Variants in ANKRD7 observed in about 807,000 individuals in gnomAD.
The protein encoded by ANKRD7 is ankyrin repeat domain-containing protein 7.
ANKRD7 carries 30 observed loss-of-function variants against 30.8 expected under a neutral mutation model. The ratio of observed to expected loss-of-function variants is 0.97; its 90% CI spans 0.73 to 1.32. The LOEUF (loss-of-function observed/expected upper bound fraction) is 1.32. Among genes scored for constraint, ANKRD7 ranks in the 40% most tolerant of loss-of-function variants. The pLI is 0.00. For missense variants in ANKRD7, 264 were observed against 295.7 expected, an observed-to-expected ratio of 0.89 and a Z score of 0.79; for synonymous variants, 97 against 106.6, an observed-to-expected ratio of 0.91 and a Z score of 0.55.
chr7:118,239,890 C>A lies in ANKRD7; in HGVS notation c.713-19C>A, dbSNP rs764838715. The A allele has an allele frequency of 2.0e-6, 3 of 1,533,352 alleles. No individual in the cohort carries two copies. Among genetic ancestry groups the A allele is most frequent in the South Asian group, 2.4e-5 (2 of 85,010 alleles). The allele number at this position is 1,533,352 out of a possible 1,614,324, so 95.0% of individuals were successfully genotyped here. On this transcript the variant is annotated intron_variant, in intron 5 of 6. Coordinates refer to ENST00000265224, the MANE Select transcript of ANKRD7 (RefSeq NM_019644.4). ...AAATTTCTATGCATGCTGGCATTCA[C>A]ACGTAATTTCCTTTATAGATAGATA...
Position 118,236,046 on chromosome 7 carries a change from G to A in ANKRD7, c.474G>A (p.Gly158=). 1 of 1,540,480 alleles carries A rather than the reference G, an allele frequency of 6.5e-7. No individual in the cohort carries two copies. The highest frequency in any genetic ancestry group is 8.9e-7 in the Non-Finnish European group (1 of 1,121,496). The change falls in exon 4 of 7, where the codon GGG becomes GGA. Residue 158 remains glycine, a synonymous_variant. Transcript: ENST00000265224. ...EADLEAKNKD[G]YTPLLVAVIN... is the part of the protein sequence containing the mutation. ...TTTTTAAATATTTTTTTCAGGATGG[G>A]TATACTCCACTATTAGTTGCCGTTA... is the stretch of plus-strand genomic sequence containing the variant.
At chr7:118,227,816 T>C (rs1240067282) in intron 1 of ANKRD7, 2 of 1,205,114 alleles carry the variant, frequency 1.7e-6, no homozygotes, top group African/African-American at 3.2e-5. Flanking sequence ...TCATAGGGTA[T>C]GAAAAGCATC....
intron 1 of ANKRD7, 32 bp downstream of exon 1, chr7:118,225,041 C>T (rs755245862): frequency 4.3e-6 from 7 of 1,610,462 alleles, no homozygotes; most frequent in South Asian, 2.2e-5. Flanking sequence ...CGCGGGAGGA[C>T]GGGTTGGGGC....
chr7:118,236,192 A>G, intron 4 of ANKRD7, 45 bp downstream of exon 4: 1 of 1,120,650 alleles, frequency 8.9e-7, no homozygotes, highest in East Asian at 2.6e-5. Flanking sequence ...GCTACCTGAT[A>G]GGATTGTGTG....
intron 6 of ANKRD7, among the ~76,000 whole-genome samples, chr7:118,241,295 A>G (rs1315091105): frequency 2.0e-5 from 3 of 151,472 alleles, no homozygotes; most frequent in Non-Finnish European, 2.9e-5. Context: ...CTCTGTATTC[A>G]CTAGCAAGCA....
Position 118,234,527 on chromosome 7 carries a change from C to A in ANKRD7, c.276C>A (p.Asn92Lys). 1 of 1,610,632 alleles carries A rather than the reference C, an allele frequency of 6.2e-7. No individual in the cohort carries two copies. The change falls in exon 2 of 7, where the codon AAC becomes AAA. Residue 92 changes from asparagine to lysine, a missense_variant. Physicochemically the swap from Asn to Lys is moderately conservative, Grantham distance 94. Coordinates refer to ENST00000265224, the MANE Select transcript of ANKRD7 (RefSeq NM_019644.4). The part of the protein sequence containing the change: ...QCKINVRDSE[N>K]KSPLIKAVQC... Reference sequence around the variant, plus strand: ...AAATAAATGTCCGGGATAGTGAAAACAAATCCCCATTGATTAAGGTATGCC... The same window carrying A: ...AAATAAATGTCCGGGATAGTGAAAAAAAATCCCCATTGATTAAGGTATGCC...
Position 118,234,777 on chromosome 7 carries a change from G to A in ANKRD7, c.371G>A (p.Arg124His), listed in dbSNP as rs201269179. Reference protein sequence around the residue: ...FGADPDLRDIRYNTVLHYAVC... With the variant: ...FGADPDLRDIHYNTVLHYAVC... The stretch of plus-strand genomic sequence containing the variant: ...GCAGACCCAGATCTGAGGGATATTC[G>A]TTATAATACTGTTCTTCACTATGCT... Residue 124 changes from arginine to histidine, a missense_variant, in exon 3 of 7, where the codon CGT becomes CAT. Physicochemically the swap from Arg to His is conservative, Grantham distance 29. Transcript: ENST00000265224. 1.1e-4 allele frequency: 181 copies of A among 1,613,152 alleles called. 2 individuals carry two copies. The East Asian group carries it at 1.4e-3, about 12-fold the overall frequency.
chr7:118,237,876 A>G (rs898778011), intron 5 of ANKRD7, among the ~76,000 whole-genome samples: 2 of 152,118 alleles, frequency 1.3e-5, no homozygotes, highest in Non-Finnish European at 2.9e-5. Context: ...ATCTTAATGA[A>G]ATAAACATGT....
chr7:118,236,187 C>T (rs201398477), intron 4 of ANKRD7, 40 bp downstream of exon 4: 1 of 1,205,962 alleles, frequency 8.3e-7, no homozygotes, highest in Non-Finnish European at 1.2e-6. Flanking sequence ...CTAAAGCTAC[C>T]TGATAGGATT....
intron 1 of ANKRD7, among the ~76,000 whole-genome samples, chr7:118,227,534 C>T (rs550032851): frequency 5.7e-4 from 87 of 152,274 alleles, no homozygotes; most frequent in South Asian, 2.3e-3. Context: ...TTTGTCCTTA[C>T]GCTGTTGCTG....
At chr7:118,228,809 A>G (rs1364461636) in intron 1 of ANKRD7, among the ~76,000 whole-genome samples, 2 of 152,184 alleles carry the variant, frequency 1.3e-5, no homozygotes, top group African/African-American at 2.4e-5. Flanking sequence ...GTACTACCAT[A>G]GTCAAAGCCA....
chr7:118,234,663 G>A, intron 2 of ANKRD7, 38 bp from the exon 3 acceptor site: 1 of 1,578,522 alleles, frequency 6.3e-7, no homozygotes, highest in Non-Finnish European at 8.6e-7. Context: ...ATCCCAAGTA[G>A]TAAATTGGTT....
intron 6 of ANKRD7, among the ~76,000 whole-genome samples, chr7:118,240,327 A>C (rs1024519857): frequency 3.3e-4 from 50 of 151,464 alleles, no homozygotes; most frequent in African/African-American, 1.1e-3. Context: ...CCCACCTCAC[A>C]ACAGTCCCCA....
At chr7:118,241,142 C>G (rs370057314) in intron 6 of ANKRD7, among the ~76,000 whole-genome samples, 35 of 109,392 alleles carry the variant, frequency 3.2e-4, no homozygotes, top group East Asian at 1.4e-3. Flanking sequence ...GCCTGGGCGA[C>G]AGAGCGAGAC....
chr7:118,229,998 C>T (rs948461691), intron 1 of ANKRD7, among the ~76,000 whole-genome samples: 3 of 151,940 alleles, frequency 2.0e-5, no homozygotes, highest in African/African-American at 7.3e-5. Flanking sequence ...GATAAAAACC[C>T]TCAACAAACT....
chr7:118,242,306 T>C (rs1280997770), intron 6 of ANKRD7, 43 bp from the exon 7 acceptor site: 2 of 152,194 alleles, frequency 1.3e-5, no homozygotes, highest in African/African-American at 4.8e-5. Context: ...ATGGAAATAT[T>C]TGGACGTAAG....
At chr7:118,229,099 A>C (rs1809590449) in intron 1 of ANKRD7, among the ~76,000 whole-genome samples, 2 of 151,992 alleles carry the variant, frequency 1.3e-5, no homozygotes, top group Admixed American at 6.6e-5. Flanking sequence ...ATCCAGCTAC[A>C]CTGGCCTTCT....
chr7:118,230,046 A>G (rs1809608516), intron 1 of ANKRD7, among the ~76,000 whole-genome samples: 1 of 152,134 alleles, frequency 6.6e-6, no homozygotes, highest in Non-Finnish European at 1.5e-5. Context: ...AATAAGGGAC[A>G]TCTATGACAA....
chr7:118,240,729 C>T (rs1809818712), intron 6 of ANKRD7, among the ~76,000 whole-genome samples: 1 of 151,880 alleles, frequency 6.6e-6, no homozygotes, highest in Admixed American at 6.6e-5. Context: ...ATACATTAAG[C>T]ACTGTTGATA....
Sources: allele counts gnomAD v4.1 joint callset (sites outside exome capture counted in the v4.1 genomes callset), GRCh38; gene constraint gnomAD v4.1.1; transcripts MANE v1.5; gene names NCBI Gene and HGNC (gene_info 2026-07-23, HGNC 2026-07-21).